The following CACNA2D1 variants were observed in gnomAD, a reference collection of about 807,000 sequenced individuals.
CACNA2D1 encodes the protein voltage-dependent calcium channel subunit alpha-2/delta-1.
CACNA2D1 carries 53 observed loss-of-function variants against 171.5 expected under a neutral mutation model. The observed-to-expected ratio is 0.31, with a 90% CI of 0.25 to 0.39. The LOEUF is 0.39. CACNA2D1 is among the 10% of genes least tolerant of loss of function. The pLI is 1.00. For missense variants in CACNA2D1, 903 were observed against 1,299.8 expected (o/e 0.69, Z 4.69); for synonymous variants, 442 against 443.1 (o/e 1.00, Z 0.03).
intron 1 of CACNA2D1, chr7:82,410,404 T>C: frequency 2.4e-6 from 1 of 420,784 alleles, no homozygotes; most frequent in Non-Finnish European, 3.2e-6. Context: ...ATATTGTTTA[T>C]CACTTCTGTA....
At chr7:82,230,648 A>G (rs937550430) in intron 3 of CACNA2D1, among the ~76,000 whole-genome samples, 5 of 152,188 alleles carry the variant, frequency 3.3e-5, no homozygotes, top group Admixed American at 6.5e-5. Flanking sequence ...CTTTCATGGT[A>G]ATGCTATTTT....
At chr7:82,078,207 A>G (rs1466399387) in intron 7 of CACNA2D1, among the ~76,000 whole-genome samples, 1 of 152,210 alleles carries the variant, frequency 6.6e-6, no homozygotes, top group Admixed American at 6.5e-5. Flanking sequence ...AGAAAGAACA[A>G]ATAATAAGAC....
At chr7:81,951,969 G>GTTTTTTTTTTTT (rs774805421) in intron 38 of CACNA2D1, among the ~76,000 whole-genome samples, 2 of 71,914 alleles carry the variant, frequency 2.8e-5, no homozygotes, top group African/African-American at 1.2e-4. Context: ...TGTACAAAGT[G>GTTTTTTTTTTTT]TTTTTTTTTT....
At chr7:82,344,853 A>G (rs1220937011) in intron 2 of CACNA2D1, among the ~76,000 whole-genome samples, 1 of 152,186 alleles carries the variant, frequency 6.6e-6, no homozygotes, top group East Asian at 1.9e-4. Context: ...TGGAATTAAT[A>G]ATAAATAGCT....
Position 82,253,655 on chromosome 7 carries a change from T to C in CACNA2D1, c.294+81480A>G, listed in dbSNP as rs3801704. Among the ~76,000 whole-genome samples the C allele has an allele frequency of 3.1e-4, 47 of 152,346 alleles. No individual in the cohort carries two copies. The East Asian group carries it at 8.1e-3, about 26-fold the overall frequency. ...AATGATCTTTCATGTTAAATTCTTATATAACTTTTTGTTTAATAAATGTCA... is the reference window on the plus strand; with the variant it reads ...AATGATCTTTCATGTTAAATTCTTACATAACTTTTTGTTTAATAAATGTCA... On this transcript the variant is annotated intron_variant, in intron 3 of 38. Transcript: ENST00000356860.
chr7:82,308,382 C>T (rs945027739), intron 3 of CACNA2D1, among the ~76,000 whole-genome samples: 8 of 152,156 alleles, frequency 5.3e-5, no homozygotes, highest in African/African-American at 1.7e-4. Flanking sequence ...CAAAACACAG[C>T]GAAGGTGCCA....
intron 15 of CACNA2D1, among the ~76,000 whole-genome samples, chr7:82,009,778 A>G (rs1799547357): frequency 6.6e-6 from 1 of 152,050 alleles, no homozygotes; most frequent in South Asian, 2.1e-4. Context: ...AAAAACTTGT[A>G]CTCTACTCCT....
chr7:82,255,336 T>C (rs908036908), intron 3 of CACNA2D1, among the ~76,000 whole-genome samples: 2 of 152,200 alleles, frequency 1.3e-5, no homozygotes, highest in African/African-American at 4.8e-5. Flanking sequence ...TACTCTAGAA[T>C]ACAGGCTTTT....
chr7:82,093,598 T>C (rs947780904), intron 6 of CACNA2D1, among the ~76,000 whole-genome samples: 4 of 152,232 alleles, frequency 2.6e-5, no homozygotes, highest in Admixed American at 1.3e-4. Context: ...TATAAGACAA[T>C]GGCAAACTGA....
chr7:82,155,688 T>G (rs1669718297), intron 4 of CACNA2D1, among the ~76,000 whole-genome samples: 1 of 152,160 alleles, frequency 6.6e-6, no homozygotes, highest in African/African-American at 2.4e-5. Context: ...TGGTCTCTGC[T>G]TCCGCAAATC....
At chr7:82,340,300 G>C (rs1818466334) in intron 2 of CACNA2D1, among the ~76,000 whole-genome samples, 1 of 151,594 alleles carries the variant, frequency 6.6e-6, no homozygotes, top group Admixed American at 6.6e-5. Context: ...TGAAAGCCAG[G>C]CTCCTCCTGA....
chr7:82,166,957 CTACAT>C (rs929838332), intron 4 of CACNA2D1, among the ~76,000 whole-genome samples: 31 of 152,004 alleles, frequency 2.0e-4, no homozygotes, highest in African/African-American at 7.0e-4. Context: ...TGAGATTTCT[CTACAT>C]TACACAGTAG....
intron 5 of CACNA2D1, among the ~76,000 whole-genome samples, chr7:82,123,716 C>T (rs56104580): frequency 6.6e-6 from 1 of 152,080 alleles, no homozygotes; most frequent in East Asian, 1.9e-4. Context: ...GGACAAGCAG[C>T]TTAAGCTCAT....
intron 6 of CACNA2D1, among the ~76,000 whole-genome samples, chr7:82,101,323 G>T (rs751997472): frequency 2.0e-5 from 3 of 152,106 alleles, no homozygotes; most frequent in Non-Finnish European, 4.4e-5. Flanking sequence ...ATAGCAGAAG[G>T]TCTACATTTG....
At chr7:82,172,955 T>C (rs1265749439) in intron 3 of CACNA2D1, among the ~76,000 whole-genome samples, 2 of 152,066 alleles carry the variant, frequency 1.3e-5, no homozygotes, top group Non-Finnish European at 2.9e-5. Flanking sequence ...ATTAAGTTTT[T>C]TCTTCAGAAT....
chr7:82,364,942 G>C (rs1026691611), intron 1 of CACNA2D1, among the ~76,000 whole-genome samples: 4 of 152,034 alleles, frequency 2.6e-5, no homozygotes, highest in African/African-American at 9.7e-5. Context: ...CATAAAGCTA[G>C]GAAACCCAGG....
chr7:81,949,602 A>G lies in CACNA2D1; in HGVS notation c.*790T>C, dbSNP rs755310397. 1 of 152,156 alleles carries G rather than the reference A, an allele frequency of 6.6e-6. No individual in the cohort carries two copies. The highest frequency in any genetic ancestry group is 1.5e-5 in the Non-Finnish European group (1 of 68,024). The allele number at this position is 152,156 out of a possible 1,614,324, so 9.4% of individuals were successfully genotyped here. On this transcript the variant is annotated 3_prime_UTR_variant, in exon 39 of 39. Coordinates refer to ENST00000356860, the MANE Select transcript of CACNA2D1 (RefSeq NM_000722.4). ...TTTTTAAATATCTGGCTAGCACTAC[A>G]TAACTGTACTGTGAACAAAAGGAAC...
chr7:82,202,754 C>T (rs545687043), intron 3 of CACNA2D1, among the ~76,000 whole-genome samples: 5 of 152,138 alleles, frequency 3.3e-5, no homozygotes, highest in South Asian at 2.1e-4. Context: ...TTGTCTCAGT[C>T]GGAGACCCCA....
At chr7:82,119,717 T>C (rs551802125) in intron 5 of CACNA2D1, among the ~76,000 whole-genome samples, 1 of 152,350 alleles carries the variant, frequency 6.6e-6, no homozygotes, top group South Asian at 2.1e-4. Context: ...TGCAAACTGA[T>C]AAACTTTGCT....
Sources: allele counts gnomAD v4.1 joint callset (sites outside exome capture counted in the v4.1 genomes callset), GRCh38; gene constraint gnomAD v4.1.1; transcripts MANE v1.5; gene names NCBI Gene and HGNC (gene_info 2026-07-23, HGNC 2026-07-21).